GNB1L: variants seen among roughly 807,000 people sequenced by gnomAD.
The protein encoded by GNB1L is guanine nucleotide-binding protein subunit beta-like protein 1.
Under a neutral mutation model 29.1 loss-of-function variants are expected in GNB1L, and 20 were observed. That is an observed-to-expected ratio of 0.69 (90% confidence interval 0.48 to 1.00). The LOEUF (loss-of-function observed/expected upper bound fraction) is 1.00, where lower values mean the gene tolerates loss of function less well. Among genes scored for constraint, GNB1L ranks in the 50% least tolerant of loss-of-function variants. The pLI is 0.00. For missense variants in GNB1L, 421 were observed against 464.9 expected (o/e 0.91, Z 0.87); for synonymous variants, 193 against 206.5 (o/e 0.93, Z 0.56).
chr22:19,793,356 A>T (rs1937272626), intron 7 of GNB1L, among the ~76,000 whole-genome samples: 1 of 152,042 alleles, frequency 6.6e-6, no homozygotes, highest in Non-Finnish European at 1.5e-5. Context: ...TTTTAAAGTC[A>T]GTGAACTGGA....
chr22:19,853,378 G>C (rs1267167811), intron 2 of GNB1L, among the ~76,000 whole-genome samples: 3 of 152,098 alleles, frequency 2.0e-5, no homozygotes, highest in African/African-American at 4.8e-5. Flanking sequence ...AGAGCCAGTA[G>C]CCAGTTCTAT....
intron 2 of GNB1L, chr22:19,852,357 G>A: frequency 7.3e-7 from 1 of 1,362,414 alleles, no homozygotes; most frequent in Non-Finnish European, 1.0e-6. Context: ...GACAGGGATG[G>A]CTGAACAGGG....
At chr22:19,826,156 A>G (rs1385336973) in intron 2 of GNB1L, among the ~76,000 whole-genome samples, 1 of 152,182 alleles carries the variant, frequency 6.6e-6, no homozygotes, top group Non-Finnish European at 1.5e-5. Flanking sequence ...GGCAAAGCTT[A>G]GGGCCATCCT....
chr22:19,802,434 C>T (rs1191671576), intron 6 of GNB1L, among the ~76,000 whole-genome samples: 1 of 152,194 alleles, frequency 6.6e-6, no homozygotes, highest in East Asian at 1.9e-4. Context: ...GGCACGGCTG[C>T]CCTTAGGGCA....
intron 2 of GNB1L, chr22:19,847,162 A>C: frequency 1.0e-6 from 1 of 985,412 alleles, no homozygotes; most frequent in Non-Finnish European, 1.2e-6. Context: ...TGCCTCAGTG[A>C]GCATGGAGAA....
At chr22:19,828,176 T>C (rs1381747139) in intron 2 of GNB1L, among the ~76,000 whole-genome samples, 1 of 151,986 alleles carries the variant, frequency 6.6e-6, no homozygotes, top group Non-Finnish European at 1.5e-5. Context: ...AGAAAAAGAG[T>C]GTAACACAAA....
intron 2 of GNB1L, chr22:19,848,698 C>G: frequency 1.0e-6 from 1 of 985,522 alleles, no homozygotes; most frequent in Non-Finnish European, 1.2e-6. Flanking sequence ...TGCTGCATGA[C>G]TGGCCCTCAG....
intron 7 of GNB1L, among the ~76,000 whole-genome samples, chr22:19,800,497 C>T (rs1410118659): frequency 6.6e-6 from 1 of 152,188 alleles, no homozygotes; most frequent in Non-Finnish European, 1.5e-5. Context: ...GACGCCCCTT[C>T]CAGACATGCA....
At position 19,785,709 on chromosome 22, in the gene GNB1L, C is replaced by T. The variant is rs1271745664; in HGVS notation, c.*3000G>A. ...CTGCCTCCGGGCCACCCCTCCTCCC[C>T]ACTTAATGCCTTCACTGCTGGCTCT... On this transcript the variant is annotated 3_prime_UTR_variant, in exon 8 of 8. Transcript: ENST00000329517. The surrounding 1 kb of genome is among the most constrained non-coding windows in gnomAD (Gnocchi z 4.1). 6.6e-6 allele frequency: 1 copy of T among 152,330 alleles called. No homozygotes were observed. The highest frequency in any genetic ancestry group is 1.5e-5 in the Non-Finnish European group (1 of 68,078). The allele number at this position is 152,330 out of a possible 1,614,324, so 9.4% of individuals were successfully genotyped here.
intron 2 of GNB1L, among the ~76,000 whole-genome samples, chr22:19,841,433 G>A (rs1382627170): frequency 1.3e-5 from 2 of 152,058 alleles, no homozygotes; most frequent in African/African-American, 4.8e-5. Context: ...GACTTAATGA[G>A]CCTGGGCAAC....
At chr22:19,831,111 C>T (rs1937672941) in intron 2 of GNB1L, among the ~76,000 whole-genome samples, 1 of 152,122 alleles carries the variant, frequency 6.6e-6, no homozygotes, top group Admixed American at 6.5e-5. Flanking sequence ...AGATACAACG[C>T]CTGTAATCCC....
chr22:19,805,565 G>C (rs901437399), intron 6 of GNB1L, among the ~76,000 whole-genome samples: 9 of 152,034 alleles, frequency 5.9e-5, no homozygotes, highest in African/African-American at 2.2e-4. Context: ...GGCGGATCAC[G>C]AGGTCAGGAG....
chr22:19,830,999 C>T (rs910828271), intron 2 of GNB1L, among the ~76,000 whole-genome samples: 1 of 152,178 alleles, frequency 6.6e-6, no homozygotes, highest in African/African-American at 2.4e-5. Flanking sequence ...CCAAGTGGAT[C>T]TGGGATCCAT....
At chr22:19,815,697 T>C (rs970761347) in intron 4 of GNB1L, among the ~76,000 whole-genome samples, 8 of 152,108 alleles carry the variant, frequency 5.3e-5, no homozygotes, top group African/African-American at 1.7e-4. Context: ...TCCTCCCACT[T>C]CAGCCTCCCA....
intron 7 of GNB1L, among the ~76,000 whole-genome samples, chr22:19,790,897 C>G (rs1937246190): frequency 6.6e-6 from 1 of 152,142 alleles, no homozygotes; most frequent in Non-Finnish European, 1.5e-5. Flanking sequence ...CATTTGAATT[C>G]AGGGCCAAAG....
intron 2 of GNB1L, chr22:19,851,916 G>A (rs745483692): frequency 2.0e-5 from 33 of 1,613,990 alleles, no homozygotes; most frequent in South Asian, 4.4e-5. Flanking sequence ...GCCAAGAAGC[G>A]GTCCAGTAGC....
Position 19,847,271 on chromosome 22 carries a change from C to T in GNB1L, c.-21+7172G>A, listed in dbSNP as rs112398759. The T allele has an allele frequency of 1.2e-5, 12 of 984,958 alleles. No homozygotes were observed. In the African/African-American group the frequency reaches 1.4e-4, roughly 11 times the overall value. 61.0% of individuals were successfully genotyped at this position (984,958 alleles called of 1,614,324 possible). On this transcript the variant is annotated intron_variant, in intron 2 of 7. Coordinates refer to ENST00000329517, the MANE Select transcript of GNB1L (RefSeq NM_053004.3). ...AAATAAGCAGTGCCAACTGTAGCCG[C>T]TGCGCTGTTGGAGATCTTTGTTACT... is the stretch of plus-strand genomic sequence containing the variant.
At chr22:19,797,027 CACAG>C (rs1296143260) in intron 7 of GNB1L, among the ~76,000 whole-genome samples, 1 of 152,284 alleles carries the variant, frequency 6.6e-6, no homozygotes, top group South Asian at 2.1e-4. Context: ...TTTGTATGCC[CACAG>C]ACAAATTCCT....
intron 2 of GNB1L, among the ~76,000 whole-genome samples, chr22:19,832,959 A>G (rs1303950723): frequency 1.3e-5 from 2 of 152,212 alleles, no homozygotes; most frequent in Non-Finnish European, 2.9e-5. Flanking sequence ...AGCATGTCAA[A>G]AGCTCTGAAA....
Sources: allele counts gnomAD v4.1 joint callset (sites outside exome capture counted in the v4.1 genomes callset), GRCh38; gene constraint gnomAD v4.1.1; non-coding constraint Gnocchi (gnomAD v3.1); transcripts MANE v1.5; gene names NCBI Gene and HGNC (gene_info 2026-07-23, HGNC 2026-07-21).